MKLN1: variants seen among roughly 807,000 people sequenced by gnomAD.
MKLN1 encodes muskelin.
A neutral mutation model predicts 99.0 loss-of-function variants in MKLN1; 18 were observed. That is an observed-to-expected ratio of 0.18 (90% CI 0.13 to 0.27). The LOEUF (loss-of-function observed/expected upper bound fraction) is 0.27. Ranked by LOEUF, MKLN1 falls within the 10% of genes least tolerant of loss-of-function variation. MKLN1 has a pLI of 1.00. For synonymous variants in MKLN1, 288 were observed against 293.2 expected (o/e 0.98, Z 0.18); for missense variants, 621 against 875.9 (o/e 0.71, Z 3.67).
Position 131,269,898 on chromosome 7 carries a change from TC to T in MKLN1, c.-179+66925del, listed in dbSNP as rs796975212. ...TTTTTCTAGTTATGGAGGTAACTTT[TC>T]TTTTCTTTTTCTTTTTATTTTATTT... On this transcript the variant is annotated intron_variant, in intron 3 of 7. Transcript: ENST00000416992. Among the ~76,000 whole-genome samples the T allele has an allele frequency of 4.5e-4, 69 of 152,206 alleles. 1 individual carries two copies. Among genetic ancestry groups the T allele is most frequent in the African/African-American group, 1.5e-3 (64 of 41,560 alleles).
chr7:131,374,726 TG>T (rs1204731530), intron 1 of MKLN1, among the ~76,000 whole-genome samples: 1 of 152,146 alleles, frequency 6.6e-6, no homozygotes, highest in Non-Finnish European at 1.5e-5. Context: ...CTCACAGTTC[TG>T]CTTTTGATGG....
At chr7:131,454,984 G>A (rs1796291877) in intron 12 of MKLN1, among the ~76,000 whole-genome samples, 1 of 152,146 alleles carries the variant, frequency 6.6e-6, no homozygotes, top group East Asian at 1.9e-4. Context: ...TGTTACATGA[G>A]CTAATTAATC....
intron 1 of MKLN1, among the ~76,000 whole-genome samples, chr7:131,365,661 T>C (rs1253791971): frequency 6.6e-6 from 1 of 152,192 alleles, no homozygotes; most frequent in African/African-American, 2.4e-5. Context: ...CTTTTGCATA[T>C]GGCTAGCCAG....
intron 17 of MKLN1, among the ~76,000 whole-genome samples, chr7:131,480,293 A>G (rs1244131211): frequency 6.6e-6 from 1 of 152,202 alleles, no homozygotes; most frequent in East Asian, 1.9e-4. Context: ...TAATATAAAT[A>G]CTATTTTTTA....
chr7:131,203,762 C>T (rs1181234908), intron 3 of MKLN1, among the ~76,000 whole-genome samples: 1 of 152,128 alleles, frequency 6.6e-6, no homozygotes, highest in African/African-American at 2.4e-5. Context: ...CATAGCCTTT[C>T]CCACTCTCTC....
chr7:131,110,821 C>G (rs1795183884), intron 1 of MKLN1, among the ~76,000 whole-genome samples: 1 of 152,238 alleles, frequency 6.6e-6, no homozygotes, highest in African/African-American at 2.4e-5. Context: ...CTGCAGCCAG[C>G]CTCCTCACCA....
intron 1 of MKLN1, among the ~76,000 whole-genome samples, chr7:131,361,831 G>T (rs752733953): frequency 1.3e-5 from 2 of 149,862 alleles, no homozygotes; most frequent in Non-Finnish European, 3.0e-5. Context: ...TTTCTACATT[G>T]TTGCACCACA....
intron 2 of MKLN1, among the ~76,000 whole-genome samples, chr7:131,375,802 ATGGGG>A (rs1793628028): frequency 2.6e-5 from 4 of 151,426 alleles, no homozygotes; most frequent in Admixed American, 2.6e-4. Flanking sequence ...TGACTATCTT[ATGGGG>A]AAAATAAACT....
chr7:131,337,829 AT>A (rs927433745), intron 1 of MKLN1, among the ~76,000 whole-genome samples: 10 of 151,754 alleles, frequency 6.6e-5, no homozygotes, highest in African/African-American at 2.4e-4. Flanking sequence ...AATAATTATT[AT>A]TAGGCAATTT....
chr7:131,305,565 G>T (rs1299653979), intron 3 of MKLN1, among the ~76,000 whole-genome samples: 1 of 152,084 alleles, frequency 6.6e-6, no homozygotes, highest in Non-Finnish European at 1.5e-5. Flanking sequence ...GGCTTTGTGG[G>T]GGTGACTCTT....
rs1183946672 is a variant in MKLN1, at chr7:131,348,780, G to A, written c.98+20783G>A. On this transcript the variant is annotated intron_variant, in intron 1 of 17. Coordinates refer to ENST00000352689, the MANE Select transcript of MKLN1 (RefSeq NM_013255.5). ...TTGTATTATACTGTGGCAAAAGCTG[G>A]ATCTGATGCAAAGGAAAACATGAAA... Among the ~76,000 whole-genome samples the A allele has an allele frequency of 2.0e-5, 3 of 152,114 alleles. No individual in the cohort carries two copies. The East Asian group carries it at 5.8e-4, about 29-fold the overall frequency.
intron 12 of MKLN1, among the ~76,000 whole-genome samples, chr7:131,457,484 AT>A (rs1357619565): frequency 6.6e-6 from 1 of 152,216 alleles, no homozygotes; most frequent in Non-Finnish European, 1.5e-5. Context: ...CAGTTGGAAG[AT>A]TAGCAAGAGC....
At chr7:131,172,200 A>G (rs2632207) in intron 2 of MKLN1, among the ~76,000 whole-genome samples, 56,305 of 151,258 alleles carry the variant, frequency 0.37, 11,439 homozygotes, top group East Asian at 0.58. Context: ...GAGGGCAGTG[A>G]CACGAACTCG....
At chr7:131,268,193 G>C (rs1423773500) in intron 3 of MKLN1, among the ~76,000 whole-genome samples, 2 of 152,180 alleles carry the variant, frequency 1.3e-5, no homozygotes, top group African/African-American at 4.8e-5. Flanking sequence ...CTTCAGCTCT[G>C]TGGGAATTTC....
intron 1 of MKLN1, among the ~76,000 whole-genome samples, chr7:131,140,054 C>T (rs925932014): frequency 1.3e-5 from 2 of 152,178 alleles, no homozygotes; most frequent in African/African-American, 4.8e-5. Context: ...CTTTTTGAAA[C>T]AGGTGTCTGC....
intron 2 of MKLN1, among the ~76,000 whole-genome samples, chr7:131,183,668 G>T (rs1461694012): frequency 2.6e-5 from 4 of 152,178 alleles, no homozygotes. Context: ...AAATGTATGT[G>T]CAGGTGCCTG....
At chr7:131,445,614 A>G (rs80090213) in intron 11 of MKLN1, among the ~76,000 whole-genome samples, 160 bp from the exon 12 acceptor site, 643 of 152,178 alleles carry the variant, frequency 4.2e-3, no homozygotes, top group Non-Finnish European at 6.9e-3. Context: ...TTTTAGCAAT[A>G]TGTAGAGAGC....
chr7:131,384,782 G>T (rs890834946), intron 2 of MKLN1, among the ~76,000 whole-genome samples: 17 of 152,194 alleles, frequency 1.1e-4, no homozygotes, highest in African/African-American at 3.9e-4. Flanking sequence ...GCATGTAAAA[G>T]TCTCAGCAAT....
intron 1 of MKLN1, among the ~76,000 whole-genome samples, chr7:131,370,798 G>A (rs1793418331): frequency 6.6e-6 from 1 of 152,142 alleles, no homozygotes; most frequent in Non-Finnish European, 1.5e-5. Context: ...GACTCTTAGG[G>A]AGAGAAGTAT....
Sources: allele counts gnomAD v4.1 joint callset (sites outside exome capture counted in the v4.1 genomes callset), GRCh38; gene constraint gnomAD v4.1.1; transcripts MANE v1.5; gene names NCBI Gene and HGNC (gene_info 2026-07-23, HGNC 2026-07-21).